Variants in SLC7A2 observed in about 807,000 individuals in gnomAD.
SLC7A2 encodes solute carrier family 7 member 2, also known as cationic amino acid transporter 2.
SLC7A2 carries 48 observed loss-of-function variants against 58.9 expected under a neutral mutation model. The observed-to-expected ratio is 0.82, with a 90% CI of 0.65 to 1.04. SLC7A2 has a LOEUF of 1.04. Among genes scored for constraint, SLC7A2 ranks in the 50% least tolerant of loss-of-function variants. The probability of loss-of-function intolerance (pLI) is 0.00; values close to 1 mark genes in which losing one functional copy is unlikely to be tolerated. For synonymous variants in SLC7A2, 363 were observed against 314.5 expected (o/e 1.15, Z -1.63); for missense variants, 1,029 against 818.8 (o/e 1.26, Z -3.13).
chr8:17,509,844 T>A (rs2150663975), intron 2 of SLC7A2, among the ~76,000 whole-genome samples: 1 of 152,226 alleles, frequency 6.6e-6, no homozygotes, highest in African/African-American at 2.4e-5. Flanking sequence ...AATCATGAAA[T>A]TCTGGGTTCG....
chr8:17,556,620 T>C (rs1436135097), intron 8 of SLC7A2, among the ~76,000 whole-genome samples: 1 of 151,816 alleles, frequency 6.6e-6, no homozygotes, highest in Non-Finnish European at 1.5e-5. Context: ...GAAGAATTTT[T>C]TTTTTTGAGA....
At chr8:17,512,576 G>A (rs1800649379) in intron 2 of SLC7A2, among the ~76,000 whole-genome samples, 2 of 151,948 alleles carry the variant, frequency 1.3e-5, no homozygotes, top group African/African-American at 4.8e-5. Context: ...AACCCCAAGT[G>A]GAGTGGAGTG....
upstream of SLC7A2, among the ~76,000 whole-genome samples, chr8:17,495,484 A>T (rs1196040592): frequency 6.6e-6 from 1 of 152,194 alleles, no homozygotes; most frequent in East Asian, 1.9e-4. Context: ...CTATTACTTA[A>T]GACATTTGGT....
intron 2 of SLC7A2, among the ~76,000 whole-genome samples, chr8:17,536,169 TG>T (rs1217855650): frequency 2.0e-5 from 3 of 152,010 alleles, no homozygotes; most frequent in African/African-American, 7.3e-5. Context: ...TTGGTATTCC[TG>T]GGGCCCTGAC....
At chr8:17,562,191 T>A in intron 11 of SLC7A2, 81 bp downstream of exon 11, 4 of 99,644 alleles carry the variant, frequency 4.0e-5, no homozygotes, top group East Asian at 1.3e-4. Flanking sequence ...TTTTTTTTTT[T>A]TTTTTTTTTT....
intron 4 of SLC7A2, among the ~76,000 whole-genome samples, chr8:17,546,160 T>C (rs1414166834): frequency 1.3e-5 from 2 of 152,236 alleles, no homozygotes; most frequent in African/African-American, 4.8e-5. Context: ...TCATATTTTA[T>C]TTAGGGATCA....
intron 2 of SLC7A2, among the ~76,000 whole-genome samples, chr8:17,536,434 G>A (rs1801669087): frequency 6.6e-6 from 1 of 152,104 alleles, no homozygotes; most frequent in Non-Finnish European, 1.5e-5. Flanking sequence ...GCTGGATGTG[G>A]TGGCGGGTGC....
rs577149398 is a variant in SLC7A2 at position 17,524,135 on chromosome 8, A to T, written c.-22-19183A>T. On this transcript the variant is annotated intron_variant, in intron 2 of 12. Transcript: ENST00000494857. ...GTTGGCATGGATGCGGTGAAAGGGG[A>T]ATACTTTTACACTGTTGGTGGGAAT... Among the ~76,000 whole-genome samples the T allele has an allele frequency of 5.3e-5, 8 of 152,322 alleles. No individual in the cohort carries two copies. In the East Asian group the frequency reaches 1.5e-3, roughly 29 times the overall value.
rs868857611 is a variant in SLC7A2 at position 17,532,243 on chromosome 8, A to C, written c.-22-11075A>C. Among the ~76,000 whole-genome samples, 113 of 122,578 alleles carry C rather than the reference A, an allele frequency of 9.2e-4. 5 individuals carry two copies. Among genetic ancestry groups the C allele is most frequent in the Non-Finnish European group, 1.3e-3 (74 of 56,148 alleles). 80.4% of individuals were successfully genotyped at this position (122,578 alleles called of 152,430 possible). A position where few individuals can be genotyped will look rare whatever the true frequency, so the allele number is the denominator to read the frequency against. On this transcript the variant is annotated intron_variant, in intron 2 of 12. Coordinates refer to ENST00000494857, the MANE Select transcript of SLC7A2 (RefSeq NM_001370338.1). ...AGACTCTATCTCAAAAAAAAAAAAA[A>C]AAAAAAAAAAAAAAAACCCCAGCAA... is the stretch of plus-strand genomic sequence containing the variant.
intron 2 of SLC7A2, among the ~76,000 whole-genome samples, chr8:17,540,140 G>T (rs1801847720): frequency 1.3e-5 from 2 of 152,028 alleles, no homozygotes; most frequent in African/African-American, 4.8e-5. Context: ...TGATACACCT[G>T]CTAGGACTCA....
chr8:17,527,035 G>C (rs1403783436), intron 2 of SLC7A2, among the ~76,000 whole-genome samples: 1 of 152,034 alleles, frequency 6.6e-6, no homozygotes, highest in East Asian at 1.9e-4. Flanking sequence ...ATGGTACTCT[G>C]CCCTTGGCTC....
intron 2 of SLC7A2, among the ~76,000 whole-genome samples, chr8:17,536,002 A>T (rs1455830200): frequency 2.0e-5 from 3 of 151,320 alleles, no homozygotes; most frequent in Non-Finnish European, 2.9e-5. Context: ...AGCTTAAAAA[A>T]CCTTCTCCAG....
chr8:17,507,003 G>A (rs913438141), intron 2 of SLC7A2, among the ~76,000 whole-genome samples: 1 of 148,382 alleles, frequency 6.7e-6, no homozygotes, highest in Non-Finnish European at 1.5e-5. Context: ...GGAGTGCAAT[G>A]GTGCAATCTT....
chr8:17,525,692 C>G (rs957353238), intron 2 of SLC7A2, among the ~76,000 whole-genome samples: 1 of 152,170 alleles, frequency 6.6e-6, no homozygotes, highest in African/African-American at 2.4e-5. Context: ...TGAGTTTGCA[C>G]TCAGGGTACA....
intron 1 of SLC7A2, among the ~76,000 whole-genome samples, chr8:17,497,887 C>T (rs1800015365): frequency 6.6e-6 from 1 of 152,140 alleles, no homozygotes; most frequent in South Asian, 2.1e-4. Flanking sequence ...AAACGCTGTT[C>T]TTGAGGCTTA....
chr8:17,495,426 A>G (rs1014524552), upstream of SLC7A2, among the ~76,000 whole-genome samples: 2 of 152,364 alleles, frequency 1.3e-5, no homozygotes, highest in African/African-American at 2.4e-5. Flanking sequence ...GATAATTTGC[A>G]TAAGGAATCT....
chr8:17,536,996 G>C (rs115896799), intron 2 of SLC7A2, among the ~76,000 whole-genome samples: 198 of 152,286 alleles, frequency 1.3e-3, no homozygotes, highest in African/African-American at 4.6e-3. Context: ...CTGCCTCCCT[G>C]CTGGGGCAGC....
chr8:17,537,801 A>G (rs1420793684), intron 2 of SLC7A2, among the ~76,000 whole-genome samples: 1 of 152,216 alleles, frequency 6.6e-6, no homozygotes. Context: ...CCTGACACCC[A>G]GCTCTGGTTG....
At chr8:17,506,509 C>T (rs557397508) in intron 2 of SLC7A2, among the ~76,000 whole-genome samples, 3 of 152,146 alleles carry the variant, frequency 2.0e-5, no homozygotes, top group Non-Finnish European at 2.9e-5. Context: ...TAGCCTCCCT[C>T]GCCGTGGACA....
Sources: gnomAD v4.1 joint callset for allele counts (sites outside exome capture counted in the v4.1 genomes callset) on GRCh38, gnomAD v4.1.1 for gene constraint, MANE v1.5 for transcripts, NCBI Gene and HGNC (gene_info 2026-07-23, HGNC 2026-07-21) for gene names.